The following FRMD3 variants were observed in gnomAD, a reference collection of about 807,000 sequenced individuals.
FRMD3 encodes FERM domain containing 3.
FRMD3 carries 33 observed loss-of-function variants against 70.2 expected under a neutral mutation model. The observed-to-expected ratio is 0.47, with a 90% CI of 0.36 to 0.63. The LOEUF is 0.63. Among genes scored for constraint, FRMD3 ranks in the 20% least tolerant of loss-of-function variants. FRMD3 has a pLI of 0.00. For missense variants in FRMD3, 632 were observed against 711.4 expected (o/e 0.89, Z 1.27); for synonymous variants, 279 against 255.9 (o/e 1.09, Z -0.86).
chr9:83,362,816 C>T (rs73463663), intron 3 of FRMD3, among the ~76,000 whole-genome samples: 21,211 of 94,358 alleles, frequency 0.22, 2,732 homozygotes, highest in African/African-American at 0.38. Flanking sequence ...CCTTCCTTCC[C>T]TCCCTCCTTC....
Position 83,290,644 on chromosome 9 carries a change from G to A in FRMD3, c.1154C>T (p.Pro385Leu), listed in dbSNP as rs774389230. ...INMEPLQPLL[P>L]SPSEQEEELP... Reference sequence around the variant, plus strand: ...TTCTTCTTCTTGCTCGCTGGGGGAAGGAAGCAGGGGCTGCAGGGGTTCCAT... The same window carrying A: ...TTCTTCTTCTTGCTCGCTGGGGGAAAGAAGCAGGGGCTGCAGGGGTTCCAT... Residue 385 changes from proline (P) to leucine (L), a missense_variant, in exon 13 of 14, where the codon CCT becomes CTT. This residue lies in a region of FRMD3 where 418 missense variants were observed against 442.1 expected (regional missense o/e 0.95). Coordinates refer to ENST00000304195, the MANE Select transcript of FRMD3 (RefSeq NM_174938.6). 1 of 1,614,128 alleles carries A rather than the reference G, an allele frequency of 6.2e-7. No individual in the cohort carries two copies. The highest frequency in any genetic ancestry group is 1.1e-5 in the South Asian group (1 of 91,084).
At chr9:83,261,574 A>AAACTCTCT (rs978768403) in intron 13 of FRMD3, among the ~76,000 whole-genome samples, 2 of 152,148 alleles carry the variant, frequency 1.3e-5, no homozygotes, top group African/African-American at 4.8e-5. Context: ...GTGAGGGCCT[A>AAACTCTCT]AACTCTCTGC....
chr9:83,554,539 T>G, the FRMD3 span, among the ~76,000 whole-genome samples: 2 of 152,232 alleles, frequency 1.3e-5, no homozygotes, highest in East Asian at 3.8e-4. Flanking sequence ...AATGTTTCCT[T>G]GTCTGGTGAC....
At position 83,451,389 on chromosome 9, in the gene FRMD3, TCACACACA is replaced by T. The variant is rs10611241; in HGVS notation, c.148-61689_148-61682del. ...ACACACAAGCACACAAATACATACA[TCACACACA>T]CACACACACACACACACACACACGG... On this transcript the variant is annotated intron_variant, in intron 1 of 13. Transcript: ENST00000304195. 2.2e-3 allele frequency among the ~76,000 whole-genome samples: 328 copies of T among 147,512 alleles called. 7 individuals carry two copies. The highest frequency in any genetic ancestry group is 4.5e-3 in the African/African-American group (179 of 40,130).
intron 1 of FRMD3, among the ~76,000 whole-genome samples, chr9:83,452,605 C>A (rs1351216175): frequency 4.0e-5 from 6 of 149,870 alleles, no homozygotes; most frequent in African/African-American, 1.5e-4. Flanking sequence ...CCTCAGCCTC[C>A]CAAGCAGCTG....
chr9:83,485,714 G>C (rs1293079415), intron 1 of FRMD3, among the ~76,000 whole-genome samples: 2 of 152,180 alleles, frequency 1.3e-5, no homozygotes, highest in Non-Finnish European at 2.9e-5. Flanking sequence ...GAACAGGTTA[G>C]TATGAAGCAG....
At chr9:83,507,884 T>C (rs971394303) in intron 1 of FRMD3, among the ~76,000 whole-genome samples, 1 of 151,248 alleles carries the variant, frequency 6.6e-6, no homozygotes, top group Admixed American at 6.6e-5. Context: ...CATGAACCAG[T>C]AACATAGTCA....
At chr9:83,295,448 T>C (rs1214089986) in intron 12 of FRMD3, among the ~76,000 whole-genome samples, 1 of 152,152 alleles carries the variant, frequency 6.6e-6, no homozygotes, top group Non-Finnish European at 1.5e-5. Flanking sequence ...CATATTCCAG[T>C]TTTTCATTTT....
At chr9:83,578,289 A>G in the FRMD3 span, among the ~76,000 whole-genome samples, 3,822 of 152,094 alleles carry the variant, frequency 0.025, 90 homozygotes, top group East Asian at 0.052. Flanking sequence ...AAATGCTTCT[A>G]TAAAATTGAA....
chr9:83,576,001 T>A, the FRMD3 span, among the ~76,000 whole-genome samples: 2 of 151,654 alleles, frequency 1.3e-5, no homozygotes, highest in African/African-American at 4.9e-5. Context: ...GGAGGATCAC[T>A]CGAAGCCAGG....
chr9:83,386,516 G>A, intron 2 of FRMD3, among the ~76,000 whole-genome samples: 1 of 152,232 alleles, frequency 6.6e-6, no homozygotes, highest in East Asian at 1.9e-4. Context: ...TATAACTTTA[G>A]TTTAAAATTT....
intron 1 of FRMD3, among the ~76,000 whole-genome samples, chr9:83,487,084 C>T (rs776163368): frequency 1.4e-4 from 22 of 152,138 alleles, no homozygotes; most frequent in Non-Finnish European, 2.6e-4. Flanking sequence ...CCATGTAACC[C>T]CTGCCATTCA....
chr9:83,249,483 C>T (rs1417114979), intron 13 of FRMD3, among the ~76,000 whole-genome samples: 3 of 152,070 alleles, frequency 2.0e-5, no homozygotes, highest in Non-Finnish European at 4.4e-5. Flanking sequence ...AAAATGGCAG[C>T]CAGGTGCATT....
intron 1 of FRMD3, among the ~76,000 whole-genome samples, chr9:83,410,048 GC>G (rs1826236382): frequency 6.6e-6 from 1 of 152,150 alleles, no homozygotes; most frequent in African/African-American, 2.4e-5. Context: ...CAGACAAGGG[GC>G]AAAATCATCC....
the FRMD3 span, among the ~76,000 whole-genome samples, chr9:83,579,172 AAATG>A: frequency 2.6e-4 from 39 of 152,012 alleles, no homozygotes; most frequent in Admixed American, 2.6e-3. Context: ...AAACACAAAC[AAATG>A]AAAGATATTC....
the FRMD3 span, among the ~76,000 whole-genome samples, chr9:83,545,356 GTTT>G: frequency 0.011 from 1,261 of 117,532 alleles, 7 homozygotes; most frequent in African/African-American, 0.037. Context: ...GTTTTTTTTT[GTTT>G]TTTTTTTTTT....
At chr9:83,361,712 A>C (rs1824590733) in intron 3 of FRMD3, among the ~76,000 whole-genome samples, 1 of 152,188 alleles carries the variant, frequency 6.6e-6, no homozygotes, top group African/African-American at 2.4e-5. Context: ...CAATGCATTC[A>C]TATTAGGTTA....
rs1564096870 is a variant in FRMD3 at position 83,479,706 on chromosome 9, A to AAGAAAGAAAGAAAGAAAG, written c.147+58378_147+58379insCTTTCTTTCTTTCTTTCT. 3.2e-3 allele frequency among the ~76,000 whole-genome samples: 262 copies of AAGAAAGAAAGAAAGAAAG among 81,494 alleles called. 4 individuals are homozygous for AAGAAAGAAAGAAAGAAAG. The highest frequency in any genetic ancestry group is 5.9e-3 in the South Asian group (14 of 2,384). 53.5% of individuals were successfully genotyped at this position (81,494 alleles called of 152,430 possible). ...AAAGAAAGAAAGAAAGAAAGAAAGAAAGAAAGAAAGAAAGAAAAGAAAGGG... is the reference window on the plus strand; with the variant it reads ...AAAGAAAGAAAGAAAGAAAGAAAGAAAGAAAGAAAGAAAGAAAGAGAAAGAAAGAAAGAAAAGAAAGGG... On this transcript the variant is annotated intron_variant, in intron 1 of 13. Coordinates refer to ENST00000304195, the MANE Select transcript of FRMD3 (RefSeq NM_174938.6).
At chr9:83,554,365 T>C in the FRMD3 span, among the ~76,000 whole-genome samples, 1 of 152,192 alleles carries the variant, frequency 6.6e-6, no homozygotes, top group Non-Finnish European at 1.5e-5. Flanking sequence ...TCAGTGTTTA[T>C]GTTCCTTTCC....
Sources: gnomAD v4.1 joint callset for allele counts (sites outside exome capture counted in the v4.1 genomes callset) on GRCh38, gnomAD v4.1.1 for gene constraint, gnomAD v4.1.1 regional missense constraint, MANE v1.5 for transcripts, NCBI Gene and HGNC (gene_info 2026-07-23, HGNC 2026-07-21) for gene names.